Variants in LRRK1 observed in about 807,000 individuals in gnomAD.
LRRK1 encodes leucine-rich repeat serine/threonine-protein kinase 1.
LRRK1 carries 113 observed loss-of-function variants against 209.1 expected under a neutral mutation model. The observed-to-expected ratio is 0.54, with a 90% confidence interval of 0.46 to 0.63. The LOEUF (loss-of-function observed/expected upper bound fraction) is 0.63, where lower values mean the gene tolerates loss of function less well. LRRK1 is among the 30% of genes least tolerant of loss of function. LRRK1 has a pLI of 0.00. For missense variants in LRRK1, 2,284 were observed against 2,632.2 expected (o/e 0.87, Z 2.89); for synonymous variants, 1,144 against 1,099.7 (o/e 1.04, Z -0.80).
chr15:101,045,250 T>C (rs934606181), intron 20 of LRRK1, among the ~76,000 whole-genome samples: 3 of 152,346 alleles, frequency 2.0e-5, no homozygotes, highest in Middle Eastern at 6.8e-3. Flanking sequence ...AAAACCTTTA[T>C]TGGGAAGGAG....
At chr15:100,935,489 G>T (rs1218185552) in intron 2 of LRRK1, among the ~76,000 whole-genome samples, 27 of 152,156 alleles carry the variant, frequency 1.8e-4, no homozygotes. Context: ...GGGCTGGAGA[G>T]GTAAAGCCTT....
intron 6 of LRRK1, among the ~76,000 whole-genome samples, chr15:101,008,626 G>A (rs963579250): frequency 9.8e-5 from 15 of 152,342 alleles, no homozygotes; most frequent in Admixed American, 2.0e-4. Flanking sequence ...GATTGCCTGT[G>A]AGACGCAGGT....
chr15:100,998,477 TA>T (rs1265335672), intron 6 of LRRK1, among the ~76,000 whole-genome samples: 2 of 152,204 alleles, frequency 1.3e-5, no homozygotes, highest in Non-Finnish European at 2.9e-5. Context: ...AAGTTTGGGT[TA>T]TTTGTTTGGG....
chr15:101,007,079 G>A (rs187413051), intron 6 of LRRK1, among the ~76,000 whole-genome samples: 33 of 152,330 alleles, frequency 2.2e-4, no homozygotes, highest in Admixed American at 1.0e-3. Context: ...GTTGAGGGGC[G>A]TAGGCCCAGT....
chr15:100,955,953 T>C (rs2042747394), intron 2 of LRRK1, among the ~76,000 whole-genome samples: 1 of 152,188 alleles, frequency 6.6e-6, no homozygotes, highest in African/African-American at 2.4e-5. Context: ...AATTTTCTTT[T>C]CTTATGGTGT....
At chr15:101,026,201 G>C in intron 17 of LRRK1, 64 bp downstream of exon 17, 1 of 1,527,248 alleles carries the variant, frequency 6.5e-7, no homozygotes, top group Non-Finnish European at 9.0e-7. Flanking sequence ...TCTTTCCTGG[G>C]ATCAGCTTGC....
At chr15:100,925,376 C>T (rs970682589) in intron 2 of LRRK1, among the ~76,000 whole-genome samples, 2 of 152,082 alleles carry the variant, frequency 1.3e-5, no homozygotes, top group African/African-American at 4.8e-5. Context: ...GGCAGTACTC[C>T]GAACCAAAAC....
chr15:101,045,023 C>G (rs894454178), intron 20 of LRRK1, among the ~76,000 whole-genome samples: 3 of 152,204 alleles, frequency 2.0e-5, no homozygotes, highest in Admixed American at 1.3e-4. Context: ...TCTGCACAGC[C>G]CCCGTCTACC....
At chr15:101,030,043 C>T (rs1365325714) in intron 20 of LRRK1, among the ~76,000 whole-genome samples, 1 of 152,218 alleles carries the variant, frequency 6.6e-6, no homozygotes, top group Non-Finnish European at 1.5e-5. Context: ...ATCATTGCCT[C>T]TTTCTGTGGA....
intron 2 of LRRK1, among the ~76,000 whole-genome samples, chr15:100,967,921 G>A (rs1434170123): frequency 6.6e-6 from 1 of 152,136 alleles, no homozygotes; most frequent in Non-Finnish European, 1.5e-5. Context: ...TATAAAGTAA[G>A]ATGCACATAT....
intron 6 of LRRK1, among the ~76,000 whole-genome samples, chr15:100,991,090 T>C (rs560460298): frequency 9.2e-5 from 14 of 152,382 alleles, no homozygotes; most frequent in African/African-American, 2.9e-4. Flanking sequence ...GTTTTTAAAA[T>C]GAAGTTTTCT....
intron 2 of LRRK1, among the ~76,000 whole-genome samples, chr15:100,927,032 A>T (rs1037578353): frequency 6.6e-6 from 1 of 152,176 alleles, no homozygotes; most frequent in South Asian, 2.1e-4. Context: ...ACGTGTAGCT[A>T]AAGTTGAGAA....
At chr15:101,065,269 A>G (rs2036463114) in intron 31 of LRRK1, 83 bp from the exon 32 acceptor site, 4 of 1,515,396 alleles carry the variant, frequency 2.6e-6, no homozygotes, top group Non-Finnish European at 2.7e-6. Flanking sequence ...GTGTGGGTGC[A>G]GATGAGTCCA....
intron 2 of LRRK1, among the ~76,000 whole-genome samples, chr15:100,934,626 CAAAAAAAAA>C (rs71151991): frequency 4.0e-4 from 29 of 72,378 alleles, no homozygotes; most frequent in African/African-American, 1.3e-3. Flanking sequence ...CCCATCTCTA[CAAAAAAAAA>C]AAAAAAAAAA....
intron 31 of LRRK1, among the ~76,000 whole-genome samples, chr15:101,063,421 G>A (rs139726678): frequency 2.0e-4 from 30 of 152,292 alleles, no homozygotes; most frequent in African/African-American, 7.0e-4. Flanking sequence ...GACGGCCTCC[G>A]ATTCAGTTCT....
chr15:101,016,555 C>T (rs556343764), intron 12 of LRRK1, among the ~76,000 whole-genome samples: 207 of 152,332 alleles, frequency 1.4e-3, no homozygotes, highest in Middle Eastern at 0.01. Context: ...AACCTAATTA[C>T]AGCTCAAATA....
At chr15:100,985,556 G>T (rs543785707) in intron 4 of LRRK1, among the ~76,000 whole-genome samples, 1 of 152,326 alleles carries the variant, frequency 6.6e-6, no homozygotes, top group Non-Finnish European at 1.5e-5. Context: ...TCAGGGGGCA[G>T]GGTAGGGTCT....
At chr15:101,013,636 G>T (rs997794863) in intron 10 of LRRK1, among the ~76,000 whole-genome samples, 2 of 152,098 alleles carry the variant, frequency 1.3e-5, no homozygotes, top group Non-Finnish European at 2.9e-5. Flanking sequence ...TAAATAAAAA[G>T]AATAACAAAA....
rs1209744699 is a variant in LRRK1, at chr15:101,061,273, G to A, written c.4782G>A (p.Leu1594=). 1.9e-6 allele frequency: 3 copies of A among 1,612,948 alleles called. No homozygotes were observed. The highest frequency in any genetic ancestry group is 1.3e-5 in the African/African-American group (1 of 74,892). Residue 1594 remains leucine (L), a synonymous_variant, in exon 30 of 34, where the codon CTG becomes CTA. Transcript: ENST00000388948. ...VSCQLQVQRS[L]WTATEDQKIY... ...GCCAGCTCCAGGTCCAGAGATCCCT[G>A]TGGACAGCCACCGAGGTAAGCACTG...
Sources: allele counts gnomAD v4.1 joint callset (sites outside exome capture counted in the v4.1 genomes callset), GRCh38; gene constraint gnomAD v4.1.1; transcripts MANE v1.5; gene names NCBI Gene and HGNC (gene_info 2026-07-23, HGNC 2026-07-21).